The following GPC6 variants were observed in gnomAD, a reference collection of about 807,000 sequenced individuals.
GPC6 encodes glypican 6.
A neutral mutation model predicts 55.2 loss-of-function variants in GPC6; 14 were observed. The observed-to-expected ratio is 0.25, with a 90% CI of 0.17 to 0.40. GPC6 has a LOEUF of 0.40. GPC6 is among the 10% of genes least tolerant of loss of function. The pLI, the probability that GPC6 is intolerant of heterozygous loss-of-function variation, is 1.00. For missense variants in GPC6, 641 were observed against 708.5 expected, an observed-to-expected ratio of 0.90 and a Z score of 1.08; for synonymous variants, 278 against 259.6, an observed-to-expected ratio of 1.07 and a Z score of -0.68.
intron 2 of GPC6, among the ~76,000 whole-genome samples, chr13:93,793,261 A>T (rs1886100616): frequency 6.6e-6 from 1 of 152,180 alleles, no homozygotes; most frequent in Non-Finnish European, 1.5e-5. Context: ...CTAGTTAAGT[A>T]CATTTTGGGG....
chr13:93,347,697 G>T (rs1393765785), intron 1 of GPC6, among the ~76,000 whole-genome samples: 1 of 152,150 alleles, frequency 6.6e-6, no homozygotes, highest in Non-Finnish European at 1.5e-5. Context: ...TCTGCAGCCT[G>T]CAAGCTTTGA....
chr13:94,191,104 A>G (rs1889378654), intron 4 of GPC6, among the ~76,000 whole-genome samples: 1 of 152,214 alleles, frequency 6.6e-6, no homozygotes, highest in South Asian at 2.1e-4. Context: ...GAAGGAGACA[A>G]AAGAGCTTTC....
intron 5 of GPC6, among the ~76,000 whole-genome samples, chr13:94,304,261 A>G (rs1001617298): frequency 4.6e-5 from 7 of 152,338 alleles, no homozygotes; most frequent in South Asian, 2.1e-4. Flanking sequence ...CGCTCTGCAA[A>G]ATGCTGAGTT....
chr13:93,839,031 C>T (rs2138994458), intron 3 of GPC6, among the ~76,000 whole-genome samples: 1 of 152,226 alleles, frequency 6.6e-6, no homozygotes, highest in South Asian at 2.1e-4. Context: ...AAAGCACGCC[C>T]TCCTGAAAGT....
intron 4 of GPC6, among the ~76,000 whole-genome samples, chr13:94,114,129 G>C (rs1452595811): frequency 1.6e-5 from 1 of 64,478 alleles, no homozygotes. Flanking sequence ...AAAAAAGCAA[G>C]ATGGTGTTCT....
intron 4 of GPC6, among the ~76,000 whole-genome samples, chr13:94,126,255 T>G (rs1886808153): frequency 6.6e-6 from 1 of 152,102 alleles, no homozygotes. Context: ...CAGTGGCACT[T>G]GCCTGTATTC....
At chr13:94,094,482 G>A (rs1928127) in intron 4 of GPC6, among the ~76,000 whole-genome samples, 150,987 of 152,252 alleles carry the variant, frequency 0.99, 74,876 homozygotes, top group East Asian at 1. Context: ...CTTCAAACTG[G>A]TAAGTCACGA....
At chr13:93,987,158 ACT>A (rs928220544) in intron 3 of GPC6, among the ~76,000 whole-genome samples, 20 of 152,134 alleles carry the variant, frequency 1.3e-4, no homozygotes, top group Admixed American at 1.3e-3. Flanking sequence ...CATAGTAAAG[ACT>A]CAATATCTAC....
intron 4 of GPC6, among the ~76,000 whole-genome samples, chr13:94,279,615 T>A (rs1444810088): frequency 6.6e-6 from 1 of 152,178 alleles, no homozygotes; most frequent in Non-Finnish European, 1.5e-5. Flanking sequence ...CTGCTTTAGG[T>A]GTGTCCCAGA....
chr13:93,396,427 G>A lies in GPC6; in HGVS notation c.161-148836G>A, dbSNP rs573366381. On this transcript the variant is annotated intron_variant, in intron 1 of 8. Coordinates refer to ENST00000377047, the MANE Select transcript of GPC6 (RefSeq NM_005708.5). ...AAAATACAAAAATTAACCAGGCGTG[G>A]TGGCGGGCGCCAGTAATCCCAGCTA... is the stretch of plus-strand genomic sequence containing the variant. Among the ~76,000 whole-genome samples the A allele has an allele frequency of 2.0e-5, 3 of 152,160 alleles. No individual in the cohort carries two copies. In the South Asian group the frequency reaches 6.2e-4, roughly 32 times the overall value.
chr13:93,245,631 T>C (rs1453797261), intron 1 of GPC6, among the ~76,000 whole-genome samples: 1 of 152,204 alleles, frequency 6.6e-6, no homozygotes, highest in Non-Finnish European at 1.5e-5. Flanking sequence ...CTGGGGCTCA[T>C]ACTCTGGTTG....
At chr13:93,511,525 A>G (rs1385839621) in intron 1 of GPC6, among the ~76,000 whole-genome samples, 5 of 151,728 alleles carry the variant, frequency 3.3e-5, no homozygotes, top group Admixed American at 2.0e-4. Flanking sequence ...ATTATGTTTC[A>G]TTGGTCTGTG....
intron 3 of GPC6, among the ~76,000 whole-genome samples, chr13:93,976,963 A>G (rs7335326): frequency 0.46 from 70,506 of 151,866 alleles, 17,040 homozygotes; most frequent in Non-Finnish European, 0.52. Flanking sequence ...ATTATCTCTA[A>G]TAGCATTTCT....
chr13:94,251,713 C>CA lies in GPC6; in HGVS notation c.878-34625dup, dbSNP rs61543462. Reference sequence around the variant, plus strand: ...AAAGTGTTCCTAGAAAGCTAAAAGGCAAAAAAAAAAACAAAAACAAAACAA... The same window carrying CA: ...AAAGTGTTCCTAGAAAGCTAAAAGGCAAAAAAAAAAAACAAAAACAAAACAA... On this transcript the variant is annotated intron_variant, in intron 4 of 8. Coordinates refer to ENST00000377047, the MANE Select transcript of GPC6 (RefSeq NM_005708.5). 3.3e-3 allele frequency among the ~76,000 whole-genome samples: 430 copies of CA among 131,116 alleles called. 1 individual carries two copies. Among genetic ancestry groups the CA allele is most frequent in the East Asian group, 5.1e-3 (23 of 4,486 alleles). The allele number at this position is 131,116 out of a possible 152,430, so 86.0% of individuals were successfully genotyped here.
intron 1 of GPC6, among the ~76,000 whole-genome samples, chr13:93,260,576 A>G (rs946229469): frequency 2.0e-5 from 3 of 152,102 alleles, no homozygotes; most frequent in African/African-American, 4.8e-5. Context: ...TCAATTTATA[A>G]TATTATTGAT....
At chr13:93,548,820 C>A (rs1874968288) in intron 2 of GPC6, among the ~76,000 whole-genome samples, 1 of 152,018 alleles carries the variant, frequency 6.6e-6, no homozygotes, top group Admixed American at 6.6e-5. Context: ...AATTTTAATT[C>A]TTTGGCAGAG....
chr13:93,300,892 G>A (rs1015895580), intron 1 of GPC6, among the ~76,000 whole-genome samples: 1 of 151,892 alleles, frequency 6.6e-6, no homozygotes, highest in Non-Finnish European at 1.5e-5. Context: ...GGTGGCACAT[G>A]CCTGTAATCC....
At chr13:93,504,808 T>C (rs1243434448) in intron 1 of GPC6, among the ~76,000 whole-genome samples, 1 of 152,162 alleles carries the variant, frequency 6.6e-6, no homozygotes, top group Non-Finnish European at 1.5e-5. Context: ...AGAAATTTTC[T>C]GTATGGTGTT....
Position 94,078,419 on chromosome 13 carries a change from AAAC to A in GPC6, c.877+50528_877+50530del, listed in dbSNP as rs533065138. On this transcript the variant is annotated intron_variant, in intron 4 of 8. Transcript: ENST00000377047. Reference sequence around the variant, plus strand: ...ACACAATAAAGATTAGCGTAGAAATAAACAAAATAGAGGTTGGAAGAATAATCT... The same window carrying A: ...ACACAATAAAGATTAGCGTAGAAATAAAAATAGAGGTTGGAAGAATAATCT... Among the ~76,000 whole-genome samples, 7 of 152,050 alleles carry A rather than the reference AAAC, an allele frequency of 4.6e-5. No homozygotes were observed. The South Asian group carries it at 1.4e-3, about 31-fold the overall frequency.
Sources: gnomAD v4.1 joint callset for allele counts (sites outside exome capture counted in the v4.1 genomes callset) on GRCh38, gnomAD v4.1.1 for gene constraint, MANE v1.5 for transcripts, NCBI Gene and HGNC (gene_info 2026-07-23, HGNC 2026-07-21) for gene names.